LIPC: variants seen among roughly 807,000 people sequenced by gnomAD.
LIPC encodes the protein hepatic triacylglycerol lipase.
LIPC carries 44 observed loss-of-function variants against 50.7 expected under a neutral mutation model. That is an observed-to-expected ratio of 0.87 (90% CI 0.68 to 1.11). The LOEUF (loss-of-function observed/expected upper bound fraction) is 1.11. LIPC is among the 50% of genes most tolerant of loss of function. The probability of loss-of-function intolerance (pLI) is 0.00; values close to 1 mark genes in which losing one functional copy is unlikely to be tolerated. For missense variants in LIPC, 697 were observed against 648.2 expected (o/e 1.08, Z -0.82); for synonymous variants, 271 against 256.4 (o/e 1.06, Z -0.54).
chr15:58,553,349 AC>A (rs1893826893), intron 6 of LIPC, among the ~76,000 whole-genome samples: 2 of 152,222 alleles, frequency 1.3e-5, no homozygotes, highest in East Asian at 3.9e-4. Flanking sequence ...AAGTCCCAAC[AC>A]TCTGGGAGGC....
chr15:58,554,235 C>A (rs1462817501), intron 6 of LIPC, among the ~76,000 whole-genome samples: 1 of 152,166 alleles, frequency 6.6e-6, no homozygotes, highest in Non-Finnish European at 1.5e-5. Context: ...AGTGAGGAGA[C>A]TCTCCGGAGG....
chr15:58,504,144 T>C (rs761881332), intron 1 of LIPC, among the ~76,000 whole-genome samples: 2 of 152,198 alleles, frequency 1.3e-5, no homozygotes, highest in Non-Finnish European at 2.9e-5. Context: ...CAGGGCACCC[T>C]GGCTGGAGTG....
At chr15:58,532,894 C>T (rs1212187527) in intron 1 of LIPC, among the ~76,000 whole-genome samples, 4 of 152,318 alleles carry the variant, frequency 2.6e-5, no homozygotes, top group African/African-American at 9.6e-5. Flanking sequence ...AGAAAAATCA[C>T]TTGCTGTAAG....
At chr15:58,505,999 C>T (rs945675142) in intron 1 of LIPC, among the ~76,000 whole-genome samples, 1 of 152,122 alleles carries the variant, frequency 6.6e-6, no homozygotes, top group Non-Finnish European at 1.5e-5. Flanking sequence ...AATTCCACTG[C>T]TTGGGTCTCA....
intron 4 of LIPC, among the ~76,000 whole-genome samples, chr15:58,544,797 G>A (rs1306139094): frequency 6.6e-6 from 1 of 152,188 alleles, no homozygotes; most frequent in Non-Finnish European, 1.5e-5. Flanking sequence ...AGGAAACCAG[G>A]GCTGGGGTGG....
At chr15:58,565,822 A>G (rs1894346741) in intron 8 of LIPC, 7 of 984,866 alleles carry the variant, frequency 7.1e-6, no homozygotes, top group Non-Finnish European at 8.4e-6. Context: ...GAGGTACTGT[A>G]TGCGGGTTAT....
At chr15:58,551,498 G>A (rs1487139140) in intron 6 of LIPC, among the ~76,000 whole-genome samples, 3 of 152,194 alleles carry the variant, frequency 2.0e-5, no homozygotes, top group African/African-American at 7.2e-5. Flanking sequence ...CGTGGCTGCT[G>A]CATCAGAGAA....
At chr15:58,476,558 C>G (rs778266170) in intron 1 of LIPC, among the ~76,000 whole-genome samples, 9 of 152,204 alleles carry the variant, frequency 5.9e-5, no homozygotes, top group Non-Finnish European at 8.8e-5. Context: ...GGAGCTAAGA[C>G]AATCATACAA....
At chr15:58,462,555 C>T (rs1427117995) in intron 1 of LIPC, among the ~76,000 whole-genome samples, 1 of 152,202 alleles carries the variant, frequency 6.6e-6, no homozygotes, top group African/African-American at 2.4e-5. Flanking sequence ...CCTTACTGGA[C>T]CCCAGACCAA....
At chr15:58,492,117 G>C (rs373963327) in intron 1 of LIPC, among the ~76,000 whole-genome samples, 2 of 152,104 alleles carry the variant, frequency 1.3e-5, no homozygotes, top group Non-Finnish European at 2.9e-5. Context: ...AGCAGGGGAG[G>C]CTCCCCAAGC....
chr15:58,435,089 T>G (rs1893248890), intron 1 of LIPC: 1 of 152,272 alleles, frequency 6.6e-6, no homozygotes, highest in Non-Finnish European at 1.5e-5. Context: ...CTTTAAAATC[T>G]GCTAACACTT....
At chr15:58,486,533 A>G (rs1339550432) in intron 1 of LIPC, among the ~76,000 whole-genome samples, 1 of 152,200 alleles carries the variant, frequency 6.6e-6, no homozygotes, top group Non-Finnish European at 1.5e-5. Flanking sequence ...TCATCACTGT[A>G]TTCTCAACAT....
chr15:58,515,533 C>CACACATATATATATATATATATATATAT (rs147594972), intron 1 of LIPC, among the ~76,000 whole-genome samples: 20 of 141,714 alleles, frequency 1.4e-4, no homozygotes, highest in African/African-American at 4.6e-4. Flanking sequence ...TATACACACA[C>CACACATATATATATATATATATATATAT]ATATATATAT....
chr15:58,514,066 G>C (rs1892413322), intron 1 of LIPC, among the ~76,000 whole-genome samples: 1 of 152,188 alleles, frequency 6.6e-6, no homozygotes. Context: ...AGAAGAGAAT[G>C]ACAACAGAGT....
chr15:58,563,203 T>G (rs1277233863), intron 7 of LIPC, among the ~76,000 whole-genome samples: 1 of 152,236 alleles, frequency 6.6e-6, no homozygotes, highest in African/African-American at 2.4e-5. Context: ...CCACAGCGGC[T>G]TCTTCCTAGA....
At chr15:58,537,375 C>G (rs963054178) in intron 1 of LIPC, among the ~76,000 whole-genome samples, 5 of 152,228 alleles carry the variant, frequency 3.3e-5, no homozygotes, top group Non-Finnish European at 7.3e-5. Context: ...GAAGGCCCTT[C>G]GGTCAAACAA....
chr15:58,488,542 T>TA, intron 1 of LIPC, among the ~76,000 whole-genome samples: 1 of 152,320 alleles, frequency 6.6e-6, no homozygotes, highest in Non-Finnish European at 1.5e-5. Flanking sequence ...GGAAAATATT[T>TA]AGTCCCACAT....
intron 1 of LIPC, among the ~76,000 whole-genome samples, chr15:58,443,437 T>C (rs1893572951): frequency 6.6e-6 from 1 of 152,200 alleles, no homozygotes; most frequent in South Asian, 2.1e-4. Flanking sequence ...GAAACACAGA[T>C]GTGAGCACAA....
intron 1 of LIPC, among the ~76,000 whole-genome samples, chr15:58,471,017 T>C (rs1344667009): frequency 2.0e-5 from 3 of 151,868 alleles, no homozygotes; most frequent in Non-Finnish European, 2.9e-5. Flanking sequence ...AATTGAAGCA[T>C]GGTAGTATTT....
Sources: allele counts gnomAD v4.1 joint callset (sites outside exome capture counted in the v4.1 genomes callset), GRCh38; gene constraint gnomAD v4.1.1; transcripts MANE v1.5; gene names NCBI Gene and HGNC (gene_info 2026-07-23, HGNC 2026-07-21).